The following YIPF2 variants were observed in gnomAD, a reference collection of about 807,000 sequenced individuals.
YIPF2 encodes the protein Yip1 domain family member 2.
YIPF2 carries 30 observed loss-of-function variants against 38.8 expected under a neutral mutation model. The ratio of observed to expected loss-of-function variants is 0.77; its 90% confidence interval spans 0.58 to 1.05. The LOEUF (loss-of-function observed/expected upper bound fraction) is 1.05, where lower values mean the gene tolerates loss of function less well. Among genes scored for constraint, YIPF2 ranks in the 50% least tolerant of loss-of-function variants. The pLI is 0.00. For synonymous variants in YIPF2, 194 were observed against 183.8 expected (o/e 1.06, Z -0.45); for missense variants, 401 against 409.7 (o/e 0.98, Z 0.18).
At position 10,923,085 on chromosome 19, in the gene YIPF2, G is replaced by C; in HGVS notation, c.*109C>G. ...TTGCTTTGTAAGAAAAGTCTGGAAA[G>C]TAGCAGAATCATCTCAAGGTGTCAA... On this transcript the variant is annotated 3_prime_UTR_variant, in exon 10 of 10. Transcript: ENST00000586748. 1 of 532,738 alleles carries C rather than the reference G, an allele frequency of 1.9e-6. No homozygotes were observed. Among genetic ancestry groups the C allele is most frequent in the South Asian group, 2.8e-5 (1 of 35,686 alleles). The allele number at this position is 532,738 out of a possible 1,614,324, so 33.0% of individuals were successfully genotyped here.
chr19:10,926,337 C>G (rs1173579275), intron 4 of YIPF2, among the ~76,000 whole-genome samples: 2 of 152,008 alleles, frequency 1.3e-5, no homozygotes, highest in African/African-American at 4.8e-5. Context: ...CACCATTCTC[C>G]TGCCTCAGCC....
chr19:10,925,681 C>T lies in YIPF2; in HGVS notation c.367+5G>A, dbSNP rs2083411722. On this transcript the variant is annotated splice_donor_5th_base_variant and intron_variant, in intron 5 of 9. Transcript: ENST00000586748. Reference sequence around the variant, plus strand: ...TCAAGGAACCAAATGCACAACCTCACTCACCATACAGATCCGGCCGATTCC... The same window carrying T: ...TCAAGGAACCAAATGCACAACCTCATTCACCATACAGATCCGGCCGATTCC... 6.2e-7 allele frequency: 1 copy of T among 1,614,010 alleles called. No individual in the cohort carries two copies.
Position 10,923,644 on chromosome 19 carries a change from A to G in YIPF2, c.685T>C (p.Trp229Arg). Residue 229 changes from tryptophan (W) to arginine (R), a missense_variant, in exon 8 of 10, where the codon TGG (tryptophan) becomes CGG (arginine). Physicochemically the swap from Trp to Arg is moderately radical, Grantham distance 101 (BLOSUM62 -3). Coordinates refer to ENST00000586748, the MANE Select transcript of YIPF2 (RefSeq NM_001321439.2). ...LWLIPVPWLQ[W>R]LFGALALGLS... ...CCCAGGGCCAGCGCCCCAAAGAGCC[A>G]CTGCAGCCAAGGCACAGGGATGAGC... is the stretch of plus-strand genomic sequence containing the variant. 1 of 1,612,314 alleles carries G rather than the reference A, an allele frequency of 6.2e-7. No individual in the cohort carries two copies. Among genetic ancestry groups the G allele is most frequent in the Non-Finnish European group, 8.5e-7 (1 of 1,179,062 alleles).
At chr19:10,927,542 C>T in intron 4 of YIPF2, 88 bp downstream of exon 4, 1 of 1,526,960 alleles carries the variant, frequency 6.5e-7, no homozygotes, top group African/African-American at 1.4e-5. Flanking sequence ...CACCAGCACC[C>T]ACCATCACCA....
At position 10,923,383 on chromosome 19, in the gene YIPF2, G is replaced by A; in HGVS notation, c.859C>T (p.Pro287Ser). Residue 287 changes from proline to serine, a missense_variant, in exon 9 of 10, where the codon CCG becomes TCG. Pro to Ser is a moderately conservative substitution (Grantham distance 74). Coordinates refer to ENST00000586748, the MANE Select transcript of YIPF2 (RefSeq NM_001321439.2). ...TGGGGTGGAGGAGCCACGTTCTCCGGAGGCAGCGACTGGAAGAAGTACAAC... is the reference window on the plus strand; with the variant it reads ...TGGGGTGGAGGAGCCACGTTCTCCGAAGGCAGCGACTGGAAGAAGTACAAC... ...CKLYFFQSLP[P>S]ENVAPPPQIT... 2 of 1,613,608 alleles carry A rather than the reference G, an allele frequency of 1.2e-6. No homozygotes were observed. Among genetic ancestry groups the A allele is most frequent in the Non-Finnish European group, 1.7e-6 (2 of 1,179,770 alleles).
chr19:10,928,194 G>C (rs546014104), intron 2 of YIPF2, among the ~76,000 whole-genome samples, 186 bp downstream of exon 2: 2 of 151,566 alleles, frequency 1.3e-5, no homozygotes, highest in Non-Finnish European at 2.9e-5. Flanking sequence ...GTCTGGGGAC[G>C]AGAGGCTCGG....
rs1159425976 is a variant in YIPF2 at position 10,927,971 on chromosome 19, G to C, written c.32-12C>G. 1.9e-6 allele frequency: 3 copies of C among 1,593,330 alleles called. No individual in the cohort carries two copies. The highest frequency in any genetic ancestry group is 2.6e-6 in the Non-Finnish European group (3 of 1,163,378). The stretch of plus-strand genomic sequence containing the variant: ...GGCCTCCTCGAATTCTGTGGAGGAG[G>C]TATATGGGACACACGCACGTTTGAG... On this transcript the variant is annotated splice_polypyrimidine_tract_variant and intron_variant, in intron 2 of 9. Coordinates refer to ENST00000586748, the MANE Select transcript of YIPF2 (RefSeq NM_001321439.2).
At position 10,928,578 on chromosome 19, in the gene YIPF2, C is replaced by A. The variant is rs940211205; in HGVS notation, c.-98G>T. The stretch of plus-strand genomic sequence containing the variant: ...CGTCCCCACAGGTGCGCTCCGCCCC[C>A]CCTCACCTGAGGCCACCTGGGCCGG... On this transcript the variant is annotated 5_prime_UTR_variant, in exon 1 of 10. Coordinates refer to ENST00000586748, the MANE Select transcript of YIPF2 (RefSeq NM_001321439.2). The A allele has an allele frequency of 5.7e-6, 6 of 1,056,434 alleles. No homozygotes were observed. The highest frequency in any genetic ancestry group is 5.1e-5 in the African/African-American group (3 of 58,784). The allele number at this position is 1,056,434 out of a possible 1,614,324, so 65.4% of individuals were successfully genotyped here.
chr19:10,925,604 C>T (rs2083410476), intron 5 of YIPF2, 82 bp downstream of exon 5: 7 of 1,511,016 alleles, frequency 4.6e-6, no homozygotes, highest in Middle Eastern at 1.7e-4. Context: ...CTGATTTGTC[C>T]GCAGCTATAC....
At chr19:10,925,922 T>TC (rs1301865961) in intron 4 of YIPF2, 149 bp from the exon 5 acceptor site, 1 of 747,184 alleles carries the variant, frequency 1.3e-6, no homozygotes, top group African/African-American at 1.8e-5. Flanking sequence ...TTTTTTTTTT[T>TC]TTTTGAGACA....
chr19:10,923,197 A>C (rs1367979374), intron 9 of YIPF2, 23 bp from the exon 10 acceptor site: 3 of 1,264,786 alleles, frequency 2.4e-6, no homozygotes, highest in Non-Finnish European at 2.2e-6. Flanking sequence ...ATTGTCTGGG[A>C]GTGGCCCCAG....
rs553610022 is a variant in YIPF2, at chr19:10,926,427, C to T, written c.280-654G>A. Among the ~76,000 whole-genome samples, 15 of 151,738 alleles carry T rather than the reference C, an allele frequency of 9.9e-5. 1 individual carries two copies. In the South Asian group the frequency reaches 1.9e-3, roughly 19 times the overall value. On this transcript the variant is annotated intron_variant, in intron 4 of 9. Transcript: ENST00000586748. ...ATTTTTAGTAGAGATGGGGTTTCAC[C>T]GTGTTAGCCAGGATGGTCTCGATCT...
At position 10,923,933 on chromosome 19, in the gene YIPF2, A is replaced by G. The variant is rs1174402183; in HGVS notation, c.551T>C (p.Leu184Pro). The change falls in exon 7 of 10, where the codon CTG becomes CCG. Residue 184 changes from leucine to proline, a missense_variant. Transcript: ENST00000586748. ...WLVPLALWGF[L>P]RWRKGVQERM... ...CTCCTGGACACCCTTGCGCCACCGC[A>G]GGAAGCCCCACAGGGCCAGGGGCAC... 1.2e-6 allele frequency: 2 copies of G among 1,613,376 alleles called. No individual in the cohort carries two copies. Among genetic ancestry groups the G allele is most frequent in the Admixed American group, 1.7e-5 (1 of 59,930 alleles).
intron 4 of YIPF2, among the ~76,000 whole-genome samples, chr19:10,926,805 C>T (rs374761797): frequency 9.9e-5 from 15 of 151,984 alleles, no homozygotes; most frequent in African/African-American, 2.4e-4. Flanking sequence ...GGATTACAGG[C>T]GCCGACCACT....
rs2074301763 is a variant in YIPF2 at position 10,923,485 on chromosome 19, A to G, written c.834+10T>C. The G allele has an allele frequency of 6.2e-7, 1 of 1,612,866 alleles. No individual in the cohort carries two copies. Among genetic ancestry groups the G allele is most frequent in the African/African-American group, 1.3e-5 (1 of 74,896 alleles). On this transcript the variant is annotated intron_variant, in intron 8 of 9. Transcript: ENST00000586748. ...CCTCGGCCCCACCTGTGGCCACCCCAGACCCGTACCTTACAGCCCATGGCC... is the reference window on the plus strand; with the variant it reads ...CCTCGGCCCCACCTGTGGCCACCCCGGACCCGTACCTTACAGCCCATGGCC...
intron 4 of YIPF2, among the ~76,000 whole-genome samples, chr19:10,927,243 A>T (rs886107007): frequency 2.6e-5 from 4 of 152,190 alleles, no homozygotes; most frequent in African/African-American, 9.7e-5. Context: ...TCCTCAGGTT[A>T]TCTGCCCACC....
In YIPF2 at chr19:10,922,662, G is replaced by A. The variant is rs1442764227; in HGVS notation, c.*532C>T. The stretch of plus-strand genomic sequence containing the variant: ...TAGACGCTCCAGTCCCTACTACTGT[G>A]ACGGCATTTCCATCCCTCCCCTGCC... On this transcript the variant is annotated 3_prime_UTR_variant, in exon 10 of 10. Transcript: ENST00000586748. 2 of 152,306 alleles carry A rather than the reference G, an allele frequency of 1.3e-5. No individual in the cohort carries two copies. The highest frequency in any genetic ancestry group is 1.5e-5 in the Non-Finnish European group (1 of 68,138). 9.4% of individuals were successfully genotyped at this position (152,306 alleles called of 1,614,324 possible).
chr19:10,924,188 G>T lies in YIPF2; in HGVS notation c.372C>A (p.Pro124=), dbSNP rs760433870. 42 of 1,610,362 alleles carry T rather than the reference G, an allele frequency of 2.6e-5. No homozygotes were observed. The Admixed American group carries it at 3.3e-4, about 13-fold the overall frequency. The change falls in exon 6 of 10, where the codon CCC becomes CCA. Residue 124 remains proline (P), a synonymous_variant. Transcript: ENST00000586748. ...AGGCCAACGTGGCACAGATCCAGAA[G>T]GGGCCTGGGGGTAGGGGGCACAGTC... ...HLRNRPDLYG[P]FWICATLAFV...
rs777235653 is a variant in YIPF2, at chr19:10,928,395, C to G, written c.16G>C (p.Glu6Gln). Residue 6 changes from glutamate (E) to glutamine (Q), a missense_variant, in exon 2 of 10, where the codon GAG becomes CAG. Glu to Gln is a conservative substitution (Grantham distance 29). Transcript: ENST00000586748. MASAD[E>Q]LTFHEFEEAT... ...CCGCACTCACCATGGAAGGTCAGCTCGTCGGCCGATGCCATGGTCGTTCAG... is the reference window on the plus strand; with the variant it reads ...CCGCACTCACCATGGAAGGTCAGCTGGTCGGCCGATGCCATGGTCGTTCAG... 5.2e-6 allele frequency: 7 copies of G among 1,334,338 alleles called. No individual in the cohort carries two copies. Among genetic ancestry groups the G allele is most frequent in the African/African-American group, 1.5e-5 (1 of 65,234 alleles). 82.7% of individuals were successfully genotyped at this position (1,334,338 alleles called of 1,614,324 possible). A position where few individuals can be genotyped will look rare whatever the true frequency, so the allele number is the denominator to read the frequency against.
Sources: gnomAD v4.1 joint callset for allele counts (sites outside exome capture counted in the v4.1 genomes callset) on GRCh38, gnomAD v4.1.1 for gene constraint, MANE v1.5 for transcripts, NCBI Gene and HGNC (gene_info 2026-07-23, HGNC 2026-07-21) for gene names.